OTX1: variants seen among roughly 807,000 people sequenced by gnomAD.
OTX1 encodes orthodenticle homeobox 1.
In OTX1, 7 loss-of-function variants were observed where a neutral mutation model predicts 26.7. The ratio of observed to expected loss-of-function variants is 0.26; its 90% confidence interval spans 0.15 to 0.49. The LOEUF (loss-of-function observed/expected upper bound fraction) is 0.49. Ranked by LOEUF, OTX1 falls within the 20% of genes least tolerant of loss-of-function variation. The pLI, the probability that OTX1 is intolerant of heterozygous loss-of-function variation, is 0.98. For synonymous variants in OTX1, 216 were observed against 212.8 expected (o/e 1.01, Z -0.13); for missense variants, 414 against 483.8 (o/e 0.86, Z 1.35).
intron 4 of OTX1, among the ~76,000 whole-genome samples, chr2:63,054,674 G>A (rs932959230): frequency 3.3e-5 from 5 of 152,120 alleles, no homozygotes; most frequent in African/African-American, 1.2e-4. Context: ...CGCTTCCTCT[G>A]CTTACAGAGG....
In OTX1 at chr2:63,055,158, C is replaced by T. The variant is rs1342081232; in HGVS notation, c.250-343C>T. Reference sequence around the variant, plus strand: ...AACACACACGGGGCCTCCAAACATACACGGAAGCAGCCAACAGCAGCAATT... The same window carrying T: ...AACACACACGGGGCCTCCAAACATATACGGAAGCAGCCAACAGCAGCAATT... On this transcript the variant is annotated intron_variant, in intron 4 of 4. Coordinates refer to ENST00000282549, the MANE Select transcript of OTX1 (RefSeq NM_014562.4). This position sits in a 1 kb window ranked among gnomAD's most constrained non-coding sequence, Gnocchi z 5.2. Among the ~76,000 whole-genome samples, 1 of 152,234 alleles carries T rather than the reference C, an allele frequency of 6.6e-6. No individual in the cohort carries two copies.
chr2:63,054,573 T>G (rs895027946), intron 4 of OTX1, among the ~76,000 whole-genome samples: 6 of 152,236 alleles, frequency 3.9e-5, no homozygotes, highest in African/African-American at 9.6e-5. Flanking sequence ...GCCTGAATTC[T>G]GCCTCTGCCC....
chr2:63,052,844 C>T, intron 2 of OTX1, 36 bp from the exon 3 acceptor site: 2 of 584,420 alleles, frequency 3.4e-6, no homozygotes, highest in African/African-American at 2.0e-5. Flanking sequence ...CAAGTGGCTC[C>T]GATTGACGGT....
At chr2:63,052,019 C>T (rs2062030174) in intron 2 of OTX1, 1 of 152,492 alleles carries the variant, frequency 6.6e-6, no homozygotes, top group South Asian at 2.1e-4. Context: ...CGACTTGCTG[C>T]CCTCCGGCTT....
At position 63,055,988 on chromosome 2, in the gene OTX1, T is replaced by C; in HGVS notation, c.737T>C (p.Val246Ala). 1 of 1,613,894 alleles carries C rather than the reference T, an allele frequency of 6.2e-7. No homozygotes were observed. The highest frequency in any genetic ancestry group is 8.5e-7 in the Non-Finnish European group (1 of 1,180,034). Reference protein sequence around the residue: ...PTPSSSYFGGVDCSSYLAPMH... With the variant: ...PTPSSSYFGGADCSSYLAPMH... The stretch of plus-strand genomic sequence containing the variant: ...CCCTCCTCTTCCTACTTTGGCGGCG[T>C]GGACTGCAGCTCATACCTAGCGCCC... Residue 246 changes from valine (V) to alanine (A), a missense_variant, in exon 5 of 5, where the codon GTG becomes GCG. Around this residue, in one of 3 missense-constraint regions of OTX1, gnomAD observed 320 missense variants for 347.9 expected, o/e 0.92. Transcript: ENST00000282549. The surrounding 1 kb of genome is among the most constrained non-coding windows in gnomAD (Gnocchi z 5.2).
At chr2:63,054,223 T>C (rs1374632247) in intron 4 of OTX1, 25 bp downstream of exon 4, 1 of 1,565,264 alleles carries the variant, frequency 6.4e-7, no homozygotes, top group African/African-American at 1.4e-5. Flanking sequence ...GGCTCCAGGG[T>C]CTGGGTAGGG....
At position 63,056,085 on chromosome 2, in the gene OTX1, C is replaced by A. The variant is rs765508695; in HGVS notation, c.834C>A (p.His278Gln). Reference sequence around the variant, plus strand: ...CCTCCATGGCGGGCCACCATCATCACCACCCACATGCGCACCACCCGTTGA... The same window carrying A: ...CCTCCATGGCGGGCCACCATCATCAACACCCACATGCGCACCACCCGTTGA... The part of the protein sequence containing the change: ...APSSMAGHHH[H>Q]HPHAHHPLSQ... Residue 278 changes from histidine to glutamine, a missense_variant, in exon 5 of 5, where the codon CAC becomes CAA. His to Gln is a conservative substitution (Grantham distance 24, BLOSUM62 0). This residue lies in a region of OTX1 where 320 missense variants were observed against 347.9 expected (regional missense o/e 0.92). Transcript: ENST00000282549. The A allele has an allele frequency of 1.2e-6, 2 of 1,614,064 alleles. No individual in the cohort carries two copies. The highest frequency in any genetic ancestry group is 1.7e-6 in the Non-Finnish European group (2 of 1,180,004).
Position 63,055,982 on chromosome 2 carries a change from G to C in OTX1, c.731G>C (p.Gly244Ala), listed in dbSNP as rs377736206. ...CCTACGCCCTCCTCTTCCTACTTTG[G>C]CGGCGTGGACTGCAGCTCATACCTA... is the stretch of plus-strand genomic sequence containing the variant. ...GYPTPSSSYF[G>A]GVDCSSYLAP... The change falls in exon 5 of 5, where the codon GGC becomes GCC. Residue 244 changes from glycine to alanine, a missense_variant. Gly to Ala is a moderately conservative substitution (Grantham distance 60). This residue lies in a region of OTX1 where 320 missense variants were observed against 347.9 expected (regional missense o/e 0.92). Coordinates refer to ENST00000282549, the MANE Select transcript of OTX1 (RefSeq NM_014562.4). This position sits in a 1 kb window ranked among gnomAD's most constrained non-coding sequence, Gnocchi z 5.2. The C allele has an allele frequency of 3.9e-5, 63 of 1,613,632 alleles. No individual in the cohort carries two copies. Among genetic ancestry groups the C allele is most frequent in the Non-Finnish European group, 5.1e-5 (60 of 1,180,052 alleles).
At position 63,056,535 on chromosome 2, in the gene OTX1, G is replaced by A. The variant is rs2062069530; in HGVS notation, c.*219G>A. The A allele has an allele frequency of 3.3e-6, 2 of 599,352 alleles. No homozygotes were observed. Among genetic ancestry groups the A allele is most frequent in the South Asian group, 2.0e-5 (1 of 49,350 alleles). The allele number at this position is 599,352 out of a possible 1,614,324, so 37.1% of individuals were successfully genotyped here. On this transcript the variant is annotated 3_prime_UTR_variant, in exon 5 of 5. Coordinates refer to ENST00000282549, the MANE Select transcript of OTX1 (RefSeq NM_014562.4). ...CCCTGCCCCTTGGATGGGGGGACCGGTGCTTCGGCTTGGCCTACACATTCT... is the reference window on the plus strand; with the variant it reads ...CCCTGCCCCTTGGATGGGGGGACCGATGCTTCGGCTTGGCCTACACATTCT...
At chr2:63,050,412 GC>G (rs1250956068), upstream of OTX1, among the ~76,000 whole-genome samples, 2 of 152,146 alleles carry the variant, frequency 1.3e-5, no homozygotes, top group Non-Finnish European at 2.9e-5. Context: ...GAGCGGCTGA[GC>G]CCTGTAGCGC....
upstream of OTX1, among the ~76,000 whole-genome samples, chr2:63,049,770 C>G (rs916275154): frequency 2.0e-5 from 3 of 152,230 alleles, no homozygotes; most frequent in Admixed American, 6.5e-5. The surrounding 1 kb of genome is among the most constrained non-coding windows in gnomAD (Gnocchi z 4.8). Flanking sequence ...AGAGTTGGAA[C>G]GAAAACTCTT....
rs777424617 is a variant in OTX1, at chr2:63,055,987, G to A, written c.736G>A (p.Val246Met). The A allele has an allele frequency of 3.1e-6, 5 of 1,613,652 alleles. No homozygotes were observed. Among genetic ancestry groups the A allele is most frequent in the Non-Finnish European group, 4.2e-6 (5 of 1,180,042 alleles). The change falls in exon 5 of 5, where the codon GTG becomes ATG. Residue 246 changes from valine to methionine, a missense_variant. Physicochemically the swap from Val to Met is conservative, Grantham distance 21. Transcript: ENST00000282549. This position sits in a 1 kb window ranked among gnomAD's most constrained non-coding sequence, Gnocchi z 5.2. ...PTPSSSYFGG[V>M]DCSSYLAPMH... Reference sequence around the variant, plus strand: ...GCCCTCCTCTTCCTACTTTGGCGGCGTGGACTGCAGCTCATACCTAGCGCC... The same window carrying A: ...GCCCTCCTCTTCCTACTTTGGCGGCATGGACTGCAGCTCATACCTAGCGCC...
At position 63,054,114 on chromosome 2, in the gene OTX1, G is replaced by A; in HGVS notation, c.165G>A (p.Ala55=). 1 of 1,612,222 alleles carries A rather than the reference G, an allele frequency of 6.2e-7. No homozygotes were observed. Among genetic ancestry groups the A allele is most frequent in the South Asian group, 1.1e-5 (1 of 90,862 alleles). Residue 55 remains alanine, a synonymous_variant, in exon 4 of 5, where the codon GCG becomes GCA. Coordinates refer to ENST00000282549, the MANE Select transcript of OTX1 (RefSeq NM_014562.4). ...FTRSQLDVLE[A]LFAKTRYPDI... ...GTTCACAGCTGGACGTGCTCGAGGC[G>A]CTCTTCGCCAAGACTCGCTACCCTG...
In OTX1 at chr2:63,057,611, T is replaced by C. The variant is rs916745683; in HGVS notation, c.*1295T>C. On this transcript the variant is annotated 3_prime_UTR_variant, in exon 5 of 5. Coordinates refer to ENST00000282549, the MANE Select transcript of OTX1 (RefSeq NM_014562.4). Reference sequence around the variant, plus strand: ...TCTCTTTCAACACCCTTGTTTTGTCTAGTGAGTTTTTAGTGCACCTTCGTT... The same window carrying C: ...TCTCTTTCAACACCCTTGTTTTGTCCAGTGAGTTTTTAGTGCACCTTCGTT... The C allele has an allele frequency of 6.6e-6, 1 of 152,300 alleles. No homozygotes were observed. Among genetic ancestry groups the C allele is most frequent in the Admixed American group, 6.5e-5 (1 of 15,312 alleles). The allele number at this position is 152,300 out of a possible 1,614,324, so 9.4% of individuals were successfully genotyped here. A position where few individuals can be genotyped will look rare whatever the true frequency, so the allele number is the denominator to read the frequency against.
At chr2:63,051,051 C>T (rs1352541539) in intron 1 of OTX1, 154 bp downstream of exon 1, 1 of 152,250 alleles carries the variant, frequency 6.6e-6, no homozygotes, top group Non-Finnish European at 1.5e-5. Context: ...TCGGCGCGAT[C>T]CCAGGCGAGG....
In OTX1 at chr2:63,056,187, C is replaced by T. The variant is rs142456387; in HGVS notation, c.936C>T (p.Asn312=). 2.3e-5 allele frequency: 37 copies of T among 1,613,978 alleles called. No homozygotes were observed. Among genetic ancestry groups the T allele is most frequent in the Non-Finnish European group, 3.0e-5 (35 of 1,180,042 alleles). The change falls in exon 5 of 5, where the codon AAC becomes AAT. Residue 312 remains asparagine (N), a synonymous_variant. Transcript: ENST00000282549. ...ACGGTGGCTCTGGGCTTGCCTTCAA[C>T]TCTGCCGACTGCTTGGATTACAAGG... The part of the protein sequence containing the change: ...QGYGGSGLAF[N]SADCLDYKEP...
chr2:63,054,594 C>T (rs962194527), intron 4 of OTX1, among the ~76,000 whole-genome samples: 2 of 152,244 alleles, frequency 1.3e-5, no homozygotes, highest in Admixed American at 1.3e-4. Flanking sequence ...TTGTCTTCCA[C>T]CCCGGGAATC....
rs898092853 is a variant in OTX1 at position 63,055,853 on chromosome 2, G to T, written c.602G>T (p.Ser201Ile). ...VSVPEPLAAPSNTSCMQRSVA... is the reference protein window; with the variant it reads ...VSVPEPLAAPINTSCMQRSVA... Reference sequence around the variant, plus strand: ...GTGCCGGAGCCATTGGCCGCGCCTAGCAACACCTCGTGTATGCAGCGCTCC... The same window carrying T: ...GTGCCGGAGCCATTGGCCGCGCCTATCAACACCTCGTGTATGCAGCGCTCC... The change falls in exon 5 of 5, where the codon AGC becomes ATC. Residue 201 changes from serine (S) to isoleucine (I), a missense_variant. By Grantham distance (142) the Ser-to-Ile change is moderately radical. This residue lies in a region of OTX1 where 320 missense variants were observed against 347.9 expected (regional missense o/e 0.92). Coordinates refer to ENST00000282549, the MANE Select transcript of OTX1 (RefSeq NM_014562.4). This position sits in a 1 kb window ranked among gnomAD's most constrained non-coding sequence, Gnocchi z 5.2. 2 of 1,612,104 alleles carry T rather than the reference G, an allele frequency of 1.2e-6. No homozygotes were observed. Among genetic ancestry groups the T allele is most frequent in the African/African-American group, 2.7e-5 (2 of 74,940 alleles).
Position 63,057,248 on chromosome 2 carries a change from C to A in OTX1, c.*932C>A, listed in dbSNP as rs1201487366. 6.6e-6 allele frequency: 1 copy of A among 151,992 alleles called. No individual in the cohort carries two copies. Among genetic ancestry groups the A allele is most frequent in the Non-Finnish European group, 1.5e-5 (1 of 68,018 alleles). The allele number at this position is 151,992 out of a possible 1,614,324, so 9.4% of individuals were successfully genotyped here. A position where few individuals can be genotyped will look rare whatever the true frequency, so the allele number is the denominator to read the frequency against. On this transcript the variant is annotated 3_prime_UTR_variant, in exon 5 of 5. Transcript: ENST00000282549. ...TCAATCAATGGCGCTTTTTCTTTTT[C>A]AGTTGTTGCAAAGCTGCCCTGCCCT...
Sources: gnomAD v4.1 joint callset for allele counts (sites outside exome capture counted in the v4.1 genomes callset) on GRCh38, gnomAD v4.1.1 for gene constraint, gnomAD v4.1.1 regional missense constraint, Gnocchi (gnomAD v3.1) non-coding constraint, MANE v1.5 for transcripts, NCBI Gene and HGNC (gene_info 2026-07-23, HGNC 2026-07-21) for gene names.